The following ZFHX3 variants were observed in gnomAD, a reference collection of about 807,000 sequenced individuals.
ZFHX3 encodes zinc finger homeobox protein 3.
ZFHX3 carries 42 observed loss-of-function variants against 279.1 expected under a neutral mutation model. The observed-to-expected ratio is 0.15, with a 90% CI of 0.12 to 0.19. ZFHX3 has a LOEUF of 0.19. ZFHX3 is among the 10% of genes least tolerant of loss of function. The pLI, the probability that ZFHX3 is intolerant of heterozygous loss-of-function variation, is 1.00. For missense variants in ZFHX3, 4,981 were observed against 4,754.0 expected, an observed-to-expected ratio of 1.05 and a Z score of -1.40; for synonymous variants, 2,293 against 1,957.8, an observed-to-expected ratio of 1.17 and a Z score of -4.52.
chr16:73,594,297 T>C (rs1158231274), intron 2 of ZFHX3, among the ~76,000 whole-genome samples: 2 of 151,990 alleles, frequency 1.3e-5, no homozygotes, highest in African/African-American at 2.4e-5. Flanking sequence ...TAAACATTTA[T>C]TGGAATAAGT....
chr16:72,889,277 A>G (rs1301917512), intron 4 of ZFHX3, among the ~76,000 whole-genome samples: 1 of 152,150 alleles, frequency 6.6e-6, no homozygotes, highest in Non-Finnish European at 1.5e-5. Flanking sequence ...CCAGACTTTG[A>G]GGCCACAAAT....
At chr16:73,276,257 C>T (rs888111621) in intron 4 of ZFHX3, among the ~76,000 whole-genome samples, 8 of 150,906 alleles carry the variant, frequency 5.3e-5, no homozygotes, top group Admixed American at 4.0e-4. Context: ...GATCTCAGCT[C>T]ACTGCAACCT....
chr16:72,993,410 T>A (rs1051764557), intron 1 of ZFHX3, among the ~76,000 whole-genome samples: 1 of 152,232 alleles, frequency 6.6e-6, no homozygotes, highest in South Asian at 2.1e-4. Flanking sequence ...GCTGCCTACA[T>A]GTATTAACAT....
chr16:73,673,989 A>G (rs1329892097), intron 2 of ZFHX3, among the ~76,000 whole-genome samples: 1 of 152,164 alleles, frequency 6.6e-6, no homozygotes, highest in East Asian at 1.9e-4. Flanking sequence ...ATTGGCTACT[A>G]CACAAAAAGG....
chr16:73,387,738 A>C (rs1354277618), intron 3 of ZFHX3, among the ~76,000 whole-genome samples: 1 of 152,082 alleles, frequency 6.6e-6, no homozygotes, highest in Non-Finnish European at 1.5e-5. Context: ...TTTATTTAGA[A>C]CCATGTATAG....
At chr16:73,569,420 A>T (rs540778589) in intron 2 of ZFHX3, among the ~76,000 whole-genome samples, 2 of 151,696 alleles carry the variant, frequency 1.3e-5, no homozygotes, top group South Asian at 4.2e-4. Context: ...TGCCCTAAAA[A>T]CTCCGAAAGA....
intron 7 of ZFHX3, among the ~76,000 whole-genome samples, chr16:72,802,547 C>G (rs896958238): frequency 6.6e-6 from 1 of 151,972 alleles, no homozygotes; most frequent in Non-Finnish European, 1.5e-5. Flanking sequence ...TGTACCCAAC[C>G]TCTCCCTGAA....
Position 73,370,559 on chromosome 16 carries a change from C to T in ZFHX3, c.-1290-52223G>A, listed in dbSNP as rs868853229. Among the ~76,000 whole-genome samples, 211 of 152,232 alleles carry T rather than the reference C, an allele frequency of 1.4e-3. 2 individuals carry two copies. The highest frequency in any genetic ancestry group is 4.8e-3 in the African/African-American group (198 of 41,540). On this transcript the variant is annotated intron_variant, in intron 3 of 17. Coordinates refer to the ZFHX3 transcript ENST00000641206. ...TGGCTAGCTGGGGGTCAGTAAAGCCCGTGTGCTAACCCCATAACACGATGC... is the reference window on the plus strand; with the variant it reads ...TGGCTAGCTGGGGGTCAGTAAAGCCTGTGTGCTAACCCCATAACACGATGC...
intron 1 of ZFHX3, among the ~76,000 whole-genome samples, chr16:73,887,585 A>G (rs919199970): frequency 2.0e-5 from 3 of 152,222 alleles, no homozygotes; most frequent in South Asian, 2.1e-4. Flanking sequence ...GGCTCTTGTC[A>G]GATGGAATGA....
chr16:73,109,434 G>A (rs547318079), intron 7 of ZFHX3, among the ~76,000 whole-genome samples: 3 of 152,044 alleles, frequency 2.0e-5, no homozygotes, highest in African/African-American at 4.8e-5. Context: ...ATCTCCACCC[G>A]TTTCTTGGTA....
At chr16:72,989,755 A>G (rs1963003757) in intron 1 of ZFHX3, among the ~76,000 whole-genome samples, 1 of 152,256 alleles carries the variant, frequency 6.6e-6, no homozygotes, top group South Asian at 2.1e-4. Flanking sequence ...AGAATTGCCA[A>G]AAGCTGAGTA....
intron 4 of ZFHX3, among the ~76,000 whole-genome samples, chr16:73,284,371 A>G (rs942971309): frequency 6.6e-6 from 1 of 151,476 alleles, no homozygotes; most frequent in Non-Finnish European, 1.5e-5. Flanking sequence ...TGAATCCACT[A>G]TCCTAAGATG....
intron 2 of ZFHX3, among the ~76,000 whole-genome samples, chr16:73,550,472 T>C (rs1361414883): frequency 6.6e-6 from 1 of 152,174 alleles, no homozygotes; most frequent in Non-Finnish European, 1.5e-5. Context: ...CCAGGTCCTC[T>C]AGGGACTCTG....
At chr16:73,099,351 G>A (rs928358749) in intron 7 of ZFHX3, 6 of 152,044 alleles carry the variant, frequency 3.9e-5, no homozygotes, top group Admixed American at 6.6e-5. Context: ...TTTTGTTGTC[G>A]GAGTTTTTTA....
intron 7 of ZFHX3, among the ~76,000 whole-genome samples, chr16:73,118,574 T>C (rs1966459537): frequency 6.6e-6 from 1 of 152,152 alleles, no homozygotes. Context: ...ATTGTATACC[T>C]CCCATTCTTT....
intron 4 of ZFHX3, among the ~76,000 whole-genome samples, chr16:72,835,977 T>A (rs1459804825): frequency 1.3e-5 from 2 of 152,356 alleles, no homozygotes; most frequent in East Asian, 3.9e-4. Flanking sequence ...ATATAAAAGA[T>A]GACTACTAAG....
chr16:73,698,470 G>C (rs138527015), intron 1 of ZFHX3, among the ~76,000 whole-genome samples: 28 of 152,256 alleles, frequency 1.8e-4, no homozygotes, highest in African/African-American at 3.4e-4. Context: ...GGGAAAATTA[G>C]TAACTTTGCA....
At chr16:73,427,803 C>T (rs1159062246) in intron 3 of ZFHX3, among the ~76,000 whole-genome samples, 3 of 151,716 alleles carry the variant, frequency 2.0e-5, no homozygotes, top group Admixed American at 6.6e-5. Context: ...ATTAGCTGGG[C>T]GTGGTGGCGC....
At chr16:72,927,671 G>C (rs919693569) in intron 3 of ZFHX3, among the ~76,000 whole-genome samples, 2 of 151,846 alleles carry the variant, frequency 1.3e-5, no homozygotes, top group Non-Finnish European at 2.9e-5. Flanking sequence ...ACAGCCCCCC[G>C]CCCCTCCGGA....
Sources: allele counts gnomAD v4.1 joint callset (sites outside exome capture counted in the v4.1 genomes callset), GRCh38; gene constraint gnomAD v4.1.1; transcripts MANE v1.5; gene names NCBI Gene and HGNC (gene_info 2026-07-23, HGNC 2026-07-21).